The following FGF12 variants were observed in gnomAD, a reference collection of about 807,000 sequenced individuals.
FGF12 encodes the protein fibroblast growth factor 12.
FGF12 carries 14 observed loss-of-function variants against 23.6 expected under a neutral mutation model. The observed-to-expected ratio is 0.59, with a 90% CI of 0.39 to 0.93. FGF12 has a LOEUF of 0.93. Ranked by LOEUF, FGF12 falls within the 40% of genes least tolerant of loss-of-function variation. The pLI is 0.00. For synonymous variants in FGF12, 62 were observed against 77.3 expected (o/e 0.80, Z 1.04); for missense variants, 175 against 217.8 (o/e 0.80, Z 1.24).
intron 2 of FGF12, among the ~76,000 whole-genome samples, chr3:192,569,440 A>G (rs1317576743): frequency 6.6e-6 from 1 of 152,248 alleles, no homozygotes; most frequent in African/African-American, 2.4e-5. Context: ...CACATTCAGC[A>G]AAGGAACGTC....
chr3:192,389,538 T>C (rs1720205074), intron 2 of FGF12, among the ~76,000 whole-genome samples: 1 of 152,222 alleles, frequency 6.6e-6, no homozygotes, highest in Admixed American at 6.5e-5. Context: ...ACATTCCTAA[T>C]CTTTAATGTT....
intron 2 of FGF12, among the ~76,000 whole-genome samples, chr3:192,398,084 T>C (rs1187921857): frequency 2.6e-5 from 4 of 152,156 alleles, no homozygotes; most frequent in Admixed American, 2.0e-4. Flanking sequence ...TCTAAAACAC[T>C]GCACACAGCA....
chr3:192,250,451 C>T (rs1711931106), intron 4 of FGF12, among the ~76,000 whole-genome samples: 1 of 152,056 alleles, frequency 6.6e-6, no homozygotes, highest in Non-Finnish European at 1.5e-5. Flanking sequence ...AATATTTACA[C>T]CTTGAGAAAA....
At chr3:192,239,760 C>T (rs1429976701) in intron 4 of FGF12, among the ~76,000 whole-genome samples, 2 of 152,230 alleles carry the variant, frequency 1.3e-5, no homozygotes, top group African/African-American at 4.8e-5. Context: ...AAACCATCTC[C>T]AACCCCCAAC....
In FGF12 at chr3:192,143,036, C is replaced by T. The variant is rs1389049513; in HGVS notation, c.*973G>A. On this transcript the variant is annotated 3_prime_UTR_variant, in exon 6 of 6. Coordinates refer to ENST00000445105, the MANE Select transcript of FGF12 (RefSeq NM_004113.6). Reference sequence around the variant, plus strand: ...TCCTGCCACAAGACAGGGTACAAAGCTTTCTAAAACATGCTCTCAGGTGTC... The same window carrying T: ...TCCTGCCACAAGACAGGGTACAAAGTTTTCTAAAACATGCTCTCAGGTGTC... The T allele has an allele frequency of 6.6e-6, 1 of 151,782 alleles. No individual in the cohort carries two copies. The highest frequency in any genetic ancestry group is 1.5e-5 in the Non-Finnish European group (1 of 67,910). 9.4% of individuals were successfully genotyped at this position (151,782 alleles called of 1,614,324 possible). A position where few individuals can be genotyped will look rare whatever the true frequency, so the allele number is the denominator to read the frequency against.
rs139548680 is a variant in FGF12 at position 192,509,688 on chromosome 3, G to A, written c.14-149150C>T. On this transcript the variant is annotated intron_variant, in intron 2 of 5. Transcript: ENST00000445105. Reference sequence around the variant, plus strand: ...CATTTAAGGAATAATGCACCAACTAGCCTCAGGACACACACTAACTAGAAT... The same window carrying A: ...CATTTAAGGAATAATGCACCAACTAACCTCAGGACACACACTAACTAGAAT... Among the ~76,000 whole-genome samples, 63 of 152,226 alleles carry A rather than the reference G, an allele frequency of 4.1e-4. No individual in the cohort carries two copies. The East Asian group carries it at 0.011, about 28-fold the overall frequency.
intron 2 of FGF12, among the ~76,000 whole-genome samples, chr3:192,717,158 G>A (rs1478361739): frequency 6.6e-6 from 1 of 152,180 alleles, no homozygotes. Context: ...AGTGGGACTA[G>A]TTTTTCAGTA....
chr3:192,155,627 C>G (rs1714372327), intron 5 of FGF12, among the ~76,000 whole-genome samples: 2 of 152,178 alleles, frequency 1.3e-5, no homozygotes, highest in Admixed American at 6.5e-5. Context: ...TGGAGAATTA[C>G]TAATACCACA....
chr3:192,232,090 CT>C (rs902424500), intron 4 of FGF12, among the ~76,000 whole-genome samples: 67 of 151,578 alleles, frequency 4.4e-4, no homozygotes, highest in Middle Eastern at 3.4e-3. Flanking sequence ...TCAAATACAC[CT>C]TTTTTTTTCT....
At chr3:192,318,914 T>TA (rs1326979248) in intron 4 of FGF12, among the ~76,000 whole-genome samples, 2 of 152,090 alleles carry the variant, frequency 1.3e-5, no homozygotes, top group African/African-American at 4.8e-5. Flanking sequence ...GTGGAAACTT[T>TA]ACAGGCCAAG....
Position 192,620,753 on chromosome 3 carries a change from G to A in FGF12, c.13+106428C>T, listed in dbSNP as rs150502354. Among the ~76,000 whole-genome samples, 32 of 152,194 alleles carry A rather than the reference G, an allele frequency of 2.1e-4. No individual in the cohort carries two copies. In the East Asian group the frequency reaches 5.4e-3, roughly 26 times the overall value. The stretch of plus-strand genomic sequence containing the variant: ...TGAACTGTCATGTACCCAGCTGTGA[G>A]CCCCCCAACATCAATGCAGTGAGCT... On this transcript the variant is annotated intron_variant, in intron 2 of 5. Transcript: ENST00000445105.
chr3:192,654,050 T>A (rs1339272495), intron 2 of FGF12, among the ~76,000 whole-genome samples: 1 of 152,168 alleles, frequency 6.6e-6, no homozygotes, highest in East Asian at 1.9e-4. Flanking sequence ...TTAAGGTGAG[T>A]GTGCCACTCA....
intron 2 of FGF12, among the ~76,000 whole-genome samples, chr3:192,631,697 C>G (rs1715397505): frequency 6.6e-6 from 1 of 152,168 alleles, no homozygotes; most frequent in Admixed American, 6.5e-5. Context: ...AGGTGGCATA[C>G]CCCATTATAG....
intron 3 of FGF12, among the ~76,000 whole-genome samples, chr3:192,341,732 A>G (rs1009508930): frequency 6.6e-6 from 1 of 152,044 alleles, no homozygotes; most frequent in Admixed American, 6.6e-5. Context: ...TTGACTGTCT[A>G]TTTTTTCAGG....
At position 192,436,986 on chromosome 3, in the gene FGF12, T is replaced by C. The variant is rs1316758538; in HGVS notation, c.14-76448A>G. On this transcript the variant is annotated intron_variant, in intron 2 of 5. Coordinates refer to ENST00000445105, the MANE Select transcript of FGF12 (RefSeq NM_004113.6). ...ATGCTGTGCCAAGAAACTCAGGCTT[T>C]TCTTTCTAAAAATTAGAGGCTATGG... is the stretch of plus-strand genomic sequence containing the variant. 2.0e-5 allele frequency among the ~76,000 whole-genome samples: 3 copies of C among 152,324 alleles called. No homozygotes were observed. The East Asian group carries it at 5.8e-4, about 29-fold the overall frequency.
chr3:192,682,065 ACAGT>A (rs1717548980), intron 2 of FGF12, among the ~76,000 whole-genome samples: 1 of 152,200 alleles, frequency 6.6e-6, no homozygotes, highest in Admixed American at 6.5e-5. Context: ...ACTGAGTCAG[ACAGT>A]CAGAATCTGG....
intron 3 of FGF12, among the ~76,000 whole-genome samples, chr3:192,351,213 C>T (rs1718205473): frequency 1.3e-5 from 2 of 152,090 alleles, no homozygotes; most frequent in African/African-American, 4.8e-5. Context: ...ATCAGAGATA[C>T]TGGATATTAT....
chr3:192,671,159 T>C (rs1267000315), intron 2 of FGF12, among the ~76,000 whole-genome samples: 2 of 152,210 alleles, frequency 1.3e-5, no homozygotes, highest in East Asian at 3.9e-4. Flanking sequence ...GTTATGAATG[T>C]TTTTACATAC....
Position 192,664,594 on chromosome 3 carries a change from C to CAAAAAAAAAAAAAAAAAA in FGF12, c.13+62586_13+62587insTTTTTTTTTTTTTTTTTT, listed in dbSNP as rs1482447213. Among the ~76,000 whole-genome samples, 54 of 96,990 alleles carry CAAAAAAAAAAAAAAAAAA rather than the reference C, an allele frequency of 5.6e-4. 7 individuals are homozygous for CAAAAAAAAAAAAAAAAAA. The highest frequency in any genetic ancestry group is 1.5e-3 in the East Asian group (5 of 3,292). 63.6% of individuals were successfully genotyped at this position (96,990 alleles called of 152,430 possible). A position where few individuals can be genotyped will look rare whatever the true frequency, so the allele number is the denominator to read the frequency against. On this transcript the variant is annotated intron_variant, in intron 2 of 5. Transcript: ENST00000445105. ...TGAAACCCTGTCTCTACTAAAAATA[C>CAAAAAAAAAAAAAAAAAA]AAAAAAAATACAAAAAAAAAAAAAA...
Sources: gnomAD v4.1 joint callset for allele counts (sites outside exome capture counted in the v4.1 genomes callset) on GRCh38, gnomAD v4.1.1 for gene constraint, MANE v1.5 for transcripts, NCBI Gene and HGNC (gene_info 2026-07-23, HGNC 2026-07-21) for gene names.